The following PPME1 variants were observed in gnomAD, a reference collection of about 807,000 sequenced individuals.
PPME1 encodes the protein protein phosphatase methylesterase 1, also known as testicular secretory protein Li 39.
A neutral mutation model predicts 56.9 loss-of-function variants in PPME1; 17 were observed. The ratio of observed to expected loss-of-function variants is 0.30; its 90% CI spans 0.20 to 0.45. PPME1 has a LOEUF of 0.45. PPME1 is among the 20% of genes least tolerant of loss of function. PPME1 has a pLI of 1.00. For synonymous variants in PPME1, 122 were observed against 156.2 expected, an observed-to-expected ratio of 0.78 and a Z score of 1.63; for missense variants, 357 against 483.2, an observed-to-expected ratio of 0.74 and a Z score of 2.45.
At chr11:74,207,017 C>A (rs1394704245) in intron 3 of PPME1, among the ~76,000 whole-genome samples, 2 of 152,118 alleles carry the variant, frequency 1.3e-5, no homozygotes, top group Non-Finnish European at 2.9e-5. Flanking sequence ...GTTAGAGAGC[C>A]AATGACAGCA....
At chr11:74,228,566 T>C (rs1331525143) in intron 5 of PPME1, among the ~76,000 whole-genome samples, 3 of 152,214 alleles carry the variant, frequency 2.0e-5, no homozygotes, top group Non-Finnish European at 2.9e-5. Flanking sequence ...AGTGGAACAC[T>C]AGCATAAATT....
Position 74,250,958 on chromosome 11 carries a change from G to A in PPME1, c.1014G>A (p.Lys338=), listed in dbSNP as rs780938616. The A allele has an allele frequency of 1.6e-5, 25 of 1,598,954 alleles. No homozygotes were observed. The South Asian group carries it at 2.8e-4, about 18-fold the overall frequency. Residue 338 remains lysine, a synonymous_variant, in exon 12 of 14, where the codon AAG becomes AAA. Coordinates refer to ENST00000328257, the MANE Select transcript of PPME1 (RefSeq NM_016147.3). ...CTTGCTTTGATTCCTCTCCAGGGAAGTTCCAGATGCAGGTCCTACCCCAGT... is the reference window on the plus strand; with the variant it reads ...CTTGCTTTGATTCCTCTCCAGGGAAATTCCAGATGCAGGTCCTACCCCAGT... ...KDLTIGQMQG[K]FQMQVLPQCG... is the part of the protein sequence containing the mutation.
At chr11:74,218,720 C>G (rs7945732) in intron 3 of PPME1, among the ~76,000 whole-genome samples, 2,089 of 152,150 alleles carry the variant, frequency 0.014, 46 homozygotes, top group African/African-American at 0.048. Context: ...GAAACTAAAC[C>G]CCTATCTCTT....
At chr11:74,220,066 A>G (rs1038057929) in intron 3 of PPME1, among the ~76,000 whole-genome samples, 1 of 152,174 alleles carries the variant, frequency 6.6e-6, no homozygotes, top group African/African-American at 2.4e-5. Context: ...TTTTTAAAAA[A>G]CAATACCATT....
chr11:74,250,862 G>A, intron 11 of PPME1, 92 bp from the exon 12 acceptor site: 2 of 1,070,092 alleles, frequency 1.9e-6, no homozygotes, highest in Non-Finnish European at 2.8e-6. Context: ...GAAATGGGGA[G>A]GTAGGTCCTG....
In PPME1 at chr11:74,239,157, A is replaced by C; in HGVS notation, c.735A>C (p.Glu245Asp). 2 of 1,613,678 alleles carry C rather than the reference A, an allele frequency of 1.2e-6. No homozygotes were observed. The highest frequency in any genetic ancestry group is 1.7e-6 in the Non-Finnish European group (2 of 1,179,732). The change falls in exon 9 of 14, where the codon GAA (glutamate) becomes GAC (aspartate). Residue 245 changes from glutamate (E) to aspartate (D), a missense_variant. Coordinates refer to ENST00000328257, the MANE Select transcript of PPME1 (RefSeq NM_016147.3). ...VKQCEGITSP[E>D]GSKSIVEGII... ...GGTGTGAAGGAATTACAAGTCCAGA[A>C]GGCTCAAAATCTATAGTGGAAGGAA...
In PPME1 at chr11:74,200,357, T is replaced by TTGTG. The variant is rs71919163; in HGVS notation, c.102-3330_102-3327dup. Among the ~76,000 whole-genome samples the TTGTG allele has an allele frequency of 4.0e-3, 585 of 145,908 alleles. 3 individuals are homozygous for TTGTG. Among genetic ancestry groups the TTGTG allele is most frequent in the East Asian group, 0.011 (52 of 4,944 alleles). On this transcript the variant is annotated intron_variant, in intron 1 of 13. Transcript: ENST00000328257. ...TCTAGTTTATAAACAGTCATGTGTTTTGTGTGTGTGTGTGTGTGTGTGTGT... is the reference window on the plus strand; with the variant it reads ...TCTAGTTTATAAACAGTCATGTGTTTTGTGTGTGTGTGTGTGTGTGTGTGTGTGT...
chr11:74,187,721 A>G (rs1262744493), intron 1 of PPME1, among the ~76,000 whole-genome samples: 11 of 152,206 alleles, frequency 7.2e-5, no homozygotes, highest in Non-Finnish European at 2.9e-5. Flanking sequence ...TTCTTCTGAA[A>G]TAATACAATG....
At chr11:74,183,251 C>G (rs531824675) in intron 1 of PPME1, among the ~76,000 whole-genome samples, 17 of 152,108 alleles carry the variant, frequency 1.1e-4, no homozygotes, top group African/African-American at 4.1e-4. Flanking sequence ...GAGCCATGAT[C>G]GTGACACTGT....
At chr11:74,178,342 G>T (rs1258481187) in intron 1 of PPME1, among the ~76,000 whole-genome samples, 1 of 152,124 alleles carries the variant, frequency 6.6e-6, no homozygotes, top group African/African-American at 2.4e-5. Flanking sequence ...GTCCAGAACT[G>T]TTCACATACC....
Position 74,253,741 on chromosome 11 carries a change from T to G in PPME1, c.*231T>G. On this transcript the variant is annotated 3_prime_UTR_variant, in exon 14 of 14. Coordinates refer to ENST00000328257, the MANE Select transcript of PPME1 (RefSeq NM_016147.3). ...CCCAGTCCAGGGCTCCCCTGCTCCT[T>G]TCCCTTCCCTGTACTGGGGTAGCTC... 1.7e-6 allele frequency: 1 copy of G among 601,826 alleles called. No homozygotes were observed. The highest frequency in any genetic ancestry group is 2.0e-5 in the South Asian group (1 of 49,578). 37.3% of individuals were successfully genotyped at this position (601,826 alleles called of 1,614,324 possible). A position where few individuals can be genotyped will look rare whatever the true frequency, so the allele number is the denominator to read the frequency against.
chr11:74,226,068 A>T (rs1858925440), intron 5 of PPME1, among the ~76,000 whole-genome samples: 1 of 152,196 alleles, frequency 6.6e-6, no homozygotes, highest in African/African-American at 2.4e-5. Flanking sequence ...GCCCAAACTG[A>T]TGTAGGCAAC....
intron 3 of PPME1, 126 bp downstream of exon 3, chr11:74,204,571 CA>C (rs1858276939): frequency 1.4e-6 from 1 of 731,336 alleles, no homozygotes; most frequent in Non-Finnish European, 2.3e-6. Flanking sequence ...GGCATACACA[CA>C]GACTGGGTGG....
chr11:74,213,609 C>A (rs1235534528), intron 3 of PPME1, among the ~76,000 whole-genome samples: 1 of 152,200 alleles, frequency 6.6e-6, no homozygotes, highest in Non-Finnish European at 1.5e-5. Flanking sequence ...TCACTCCACC[C>A]CCAGCTCCAG....
intron 10 of PPME1, 40 bp from the exon 11 acceptor site, chr11:74,247,039 C>T: frequency 6.5e-7 from 1 of 1,548,052 alleles, no homozygotes; most frequent in Non-Finnish European, 8.9e-7. Context: ...AATACGTGAA[C>T]AGCAAAATCT....
At chr11:74,226,552 C>G (rs1472052809) in intron 5 of PPME1, among the ~76,000 whole-genome samples, 1 of 152,124 alleles carries the variant, frequency 6.6e-6, no homozygotes, top group Non-Finnish European at 1.5e-5. Flanking sequence ...GTTAGTGATA[C>G]CTATAGGAAG....
chr11:74,238,895 T>A, intron 8 of PPME1: 1 of 361,700 alleles, frequency 2.8e-6, no homozygotes, highest in African/African-American at 2.0e-5. Flanking sequence ...GAGGAAGTGG[T>A]TGCTCCCTTT....
At chr11:74,203,591 G>T (rs1858232598) in intron 1 of PPME1, 137 bp from the exon 2 acceptor site, 1 of 509,982 alleles carries the variant, frequency 2.0e-6, no homozygotes, top group Non-Finnish European at 3.4e-6. Context: ...ATGATACTTT[G>T]TGATGAACTC....
chr11:74,190,738 G>C (rs1395452857), intron 1 of PPME1, among the ~76,000 whole-genome samples: 5 of 152,216 alleles, frequency 3.3e-5, no homozygotes, highest in Admixed American at 6.5e-5. Context: ...ACAGGAAGAT[G>C]AGGAAAAGTT....
Sources: gnomAD v4.1 joint callset for allele counts (sites outside exome capture counted in the v4.1 genomes callset) on GRCh38, gnomAD v4.1.1 for gene constraint, MANE v1.5 for transcripts, NCBI Gene and HGNC (gene_info 2026-07-23, HGNC 2026-07-21) for gene names.